The following ACOT13 variants were observed in gnomAD, a reference collection of about 807,000 sequenced individuals.
The protein encoded by ACOT13 is acyl-coenzyme A thioesterase 13.
A neutral mutation model predicts 11.8 loss-of-function variants in ACOT13; 10 were observed. The observed-to-expected ratio is 0.85, with a 90% CI of 0.53 to 1.44. The LOEUF (loss-of-function observed/expected upper bound fraction) is 1.44. Among genes scored for constraint, ACOT13 ranks in the 40% most tolerant of loss-of-function variants. The probability of loss-of-function intolerance (pLI) is 0.00; values close to 1 mark genes in which losing one functional copy is unlikely to be tolerated. For missense variants in ACOT13, 172 were observed against 174.1 expected (o/e 0.99, Z 0.07); for synonymous variants, 53 against 61.0 (o/e 0.87, Z 0.61).
intron 1 of ACOT13, among the ~76,000 whole-genome samples, chr6:24,686,417 G>A (rs1052394258): frequency 6.6e-6 from 1 of 152,166 alleles, no homozygotes; most frequent in African/African-American, 2.4e-5. Context: ...AGTTCTGCAG[G>A]CTGTACAAGA....
chr6:24,670,563 C>T (rs900269445), intron 1 of ACOT13, among the ~76,000 whole-genome samples: 1 of 152,234 alleles, frequency 6.6e-6, no homozygotes, highest in Admixed American at 6.5e-5. Context: ...TAATCAGTTT[C>T]TCCAACTGTG....
intron 1 of ACOT13, among the ~76,000 whole-genome samples, chr6:24,682,884 C>T (rs1778575684): frequency 6.6e-6 from 1 of 152,230 alleles, no homozygotes; most frequent in South Asian, 2.1e-4. Flanking sequence ...GGGTTTGTAT[C>T]CCGATCCTTG....
At chr6:24,692,507 C>T (rs1025704354) in intron 1 of ACOT13, among the ~76,000 whole-genome samples, 3 of 152,150 alleles carry the variant, frequency 2.0e-5, no homozygotes, top group African/African-American at 7.2e-5. Flanking sequence ...ACCTTGACCT[C>T]TTGGGCTCAA....
At chr6:24,685,599 G>C (rs532201816) in intron 1 of ACOT13, among the ~76,000 whole-genome samples, 7 of 152,262 alleles carry the variant, frequency 4.6e-5, no homozygotes, top group Non-Finnish European at 8.8e-5. Context: ...ACACGCCTCA[G>C]CCTCCCAAAG....
intron 1 of ACOT13, among the ~76,000 whole-genome samples, chr6:24,675,894 G>A (rs905542491): frequency 1.3e-5 from 2 of 152,148 alleles, no homozygotes; most frequent in African/African-American, 2.4e-5. Flanking sequence ...CTTGAATTAA[G>A]TTTTGTGTAA....
chr6:24,668,768 C>A (rs1332140561), intron 1 of ACOT13, among the ~76,000 whole-genome samples: 2 of 152,232 alleles, frequency 1.3e-5, no homozygotes, highest in Admixed American at 1.3e-4. Context: ...TACATAGTTA[C>A]ACTCCTATGG....
At chr6:24,676,825 T>C (rs1266737805) in intron 1 of ACOT13, among the ~76,000 whole-genome samples, 2 of 152,186 alleles carry the variant, frequency 1.3e-5, no homozygotes, top group Non-Finnish European at 2.9e-5. Flanking sequence ...GCCACCTCTT[T>C]AGGTTTCTGT....
chr6:24,671,669 AAACAACAAC>A (rs1175640665), intron 1 of ACOT13, among the ~76,000 whole-genome samples: 3 of 152,196 alleles, frequency 2.0e-5, no homozygotes, highest in Admixed American at 6.5e-5. Flanking sequence ...GAATCTCAAA[AAACAACAAC>A]AGCAACAACA....
chr6:24,699,707 T>G (rs1407422153), intron 2 of ACOT13, among the ~76,000 whole-genome samples: 1 of 152,216 alleles, frequency 6.6e-6, no homozygotes, highest in Non-Finnish European at 1.5e-5. Flanking sequence ...GCAGTCCTTA[T>G]TTCATGTGGT....
chr6:24,694,607 C>A (rs1778767019), intron 1 of ACOT13, among the ~76,000 whole-genome samples: 1 of 152,088 alleles, frequency 6.6e-6, no homozygotes, highest in Non-Finnish European at 1.5e-5. Context: ...TCACAAGGTT[C>A]TCTCCCTACT....
At chr6:24,701,063 T>C (rs926432369) in intron 2 of ACOT13, 1 of 153,882 alleles carries the variant, frequency 6.5e-6, no homozygotes, top group Non-Finnish European at 1.4e-5. Flanking sequence ...TATATTGTCA[T>C]TTTAGAGTCA....
intron 1 of ACOT13, among the ~76,000 whole-genome samples, chr6:24,689,708 A>G (rs562300993): frequency 1.2e-4 from 18 of 152,158 alleles, no homozygotes; most frequent in Non-Finnish European, 2.5e-4. Context: ...GCTGCTTTAT[A>G]TATGTAAAAT....
Position 24,701,675 on chromosome 6 carries a change from A to T in ACOT13, c.*60A>T. The T allele has an allele frequency of 6.9e-7, 1 of 1,458,934 alleles. No individual in the cohort carries two copies. Among genetic ancestry groups the T allele is most frequent in the Non-Finnish European group, 9.2e-7 (1 of 1,091,208 alleles). 90.4% of individuals were successfully genotyped at this position (1,458,934 alleles called of 1,614,324 possible). Reference sequence around the variant, plus strand: ...TGAATATCAAGTATAGATTTGACTCAAACAATTGTAATTTTTGAAATAAAC... The same window carrying T: ...TGAATATCAAGTATAGATTTGACTCTAACAATTGTAATTTTTGAAATAAAC... On this transcript the variant is annotated 3_prime_UTR_variant, in exon 3 of 3. Coordinates refer to ENST00000230048, the MANE Select transcript of ACOT13 (RefSeq NM_018473.4).
chr6:24,687,303 A>G, intron 1 of ACOT13: 1 of 359,426 alleles, frequency 2.8e-6, no homozygotes, highest in Non-Finnish European at 4.0e-6. Flanking sequence ...GATATGTTGT[A>G]TCCCTTTTAC....
rs1211980124 is a variant in ACOT13, at chr6:24,702,747, G to A, written c.*1132G>A. On this transcript the variant is annotated 3_prime_UTR_variant, in exon 3 of 3. Coordinates refer to ENST00000230048, the MANE Select transcript of ACOT13 (RefSeq NM_018473.4). Reference sequence around the variant, plus strand: ...GAAAAGTTTGAGGCTAAGCATGTTAGTGTTACAGGAAATGGTCCAATAGAG... The same window carrying A: ...GAAAAGTTTGAGGCTAAGCATGTTAATGTTACAGGAAATGGTCCAATAGAG... 1 of 152,162 alleles carries A rather than the reference G, an allele frequency of 6.6e-6. No individual in the cohort carries two copies. The allele number at this position is 152,162 out of a possible 1,614,324, so 9.4% of individuals were successfully genotyped here.
At chr6:24,697,343 G>A (rs1582446355) in intron 1 of ACOT13, among the ~76,000 whole-genome samples, 1 of 151,196 alleles carries the variant, frequency 6.6e-6, no homozygotes, top group East Asian at 2.0e-4. Context: ...ACAAAACTAG[G>A]AAACAACAAA....
chr6:24,673,120 T>A (rs556720081), intron 1 of ACOT13, among the ~76,000 whole-genome samples: 2 of 152,310 alleles, frequency 1.3e-5, no homozygotes, highest in East Asian at 3.9e-4. Flanking sequence ...AAAAAATCTT[T>A]TTTTAATCTC....
At position 24,698,049 on chromosome 6, in the gene ACOT13, GTGTCGATATGAACATAACGTA is replaced by G; in HGVS notation, c.252_266+6del. The G allele has an allele frequency of 6.2e-7, 1 of 1,608,652 alleles. No individual in the cohort carries two copies. ...ACGGAAAGGGGAGCACCCGGAGTCA[GTGTCGATATGAACATAACGTA>G]TGTATCCAAACTGTATTCCAAATCC... On this transcript the variant is annotated splice_donor_variant and splice_donor_region_variant and coding_sequence_variant and intron_variant, in exon 2 of 3. Coordinates refer to ENST00000230048, the MANE Select transcript of ACOT13 (RefSeq NM_018473.4). LOFTEE classifies it high-confidence loss of function.
chr6:24,669,765 G>GA (rs1219615243), intron 1 of ACOT13, among the ~76,000 whole-genome samples: 6 of 152,102 alleles, frequency 3.9e-5, no homozygotes, highest in African/African-American at 1.4e-4. Context: ...ACAAACAAAA[G>GA]AACAATCCTG....
Sources: gnomAD v4.1 joint callset for allele counts (sites outside exome capture counted in the v4.1 genomes callset) on GRCh38, gnomAD v4.1.1 for gene constraint, MANE v1.5 for transcripts, NCBI Gene and HGNC (gene_info 2026-07-23, HGNC 2026-07-21) for gene names.